NPAS3: variants seen among roughly 807,000 people sequenced by gnomAD.
The protein encoded by NPAS3 is neuronal PAS domain protein 3.
A neutral mutation model predicts 73.1 loss-of-function variants in NPAS3; 14 were observed. The observed-to-expected ratio is 0.19, with a 90% CI of 0.13 to 0.30. The LOEUF is 0.30. Ranked by LOEUF, NPAS3 falls within the 10% of genes least tolerant of loss-of-function variation. NPAS3 has a pLI of 1.00. For synonymous variants in NPAS3, 620 were observed against 541.5 expected (o/e 1.14, Z -2.01); for missense variants, 1,096 against 1,250.0 (o/e 0.88, Z 1.86).
intron 6 of NPAS3, among the ~76,000 whole-genome samples, chr14:33,731,107 A>G (rs542589673): frequency 9.2e-5 from 14 of 152,098 alleles, no homozygotes; most frequent in Non-Finnish European, 1.6e-4. Context: ...CTTTAATTAC[A>G]GTGAAAACAC....
At chr14:33,535,189 T>C (rs980693) in intron 4 of NPAS3, among the ~76,000 whole-genome samples, 21,956 of 152,098 alleles carry the variant, frequency 0.14, 1,820 homozygotes, top group African/African-American at 0.22. Flanking sequence ...AAAATATCAC[T>C]TACACCTTTA....
chr14:33,684,480 T>TAGAG (rs773521022), intron 6 of NPAS3, among the ~76,000 whole-genome samples: 1 of 151,964 alleles, frequency 6.6e-6, no homozygotes, highest in Non-Finnish European at 1.5e-5. Context: ...CCTAGATAAT[T>TAGAG]AGAGATGGGG....
At chr14:33,548,484 C>T (rs112642247) in intron 4 of NPAS3, among the ~76,000 whole-genome samples, 24 of 152,290 alleles carry the variant, frequency 1.6e-4, no homozygotes, top group African/African-American at 5.3e-4. Context: ...GAATTACTTT[C>T]GATGAGCACA....
At chr14:33,401,832 T>C (rs978105458) in intron 4 of NPAS3, among the ~76,000 whole-genome samples, 3 of 152,018 alleles carry the variant, frequency 2.0e-5, no homozygotes, top group Non-Finnish European at 2.9e-5. Context: ...AAGGCCTCCA[T>C]TGCTGGAGGC....
chr14:33,352,806 T>C (rs1048028546), intron 3 of NPAS3, among the ~76,000 whole-genome samples: 2 of 152,280 alleles, frequency 1.3e-5, no homozygotes, highest in Admixed American at 1.3e-4. Context: ...GGGAATAAAC[T>C]TGCAACAATA....
intron 5 of NPAS3, among the ~76,000 whole-genome samples, chr14:33,613,153 G>A (rs2140058180): frequency 6.6e-6 from 1 of 152,280 alleles, no homozygotes; most frequent in East Asian, 1.9e-4. Flanking sequence ...GAGAGATTGA[G>A]TAGCCCAAAT....
chr14:33,761,644 T>A (rs1389545562), intron 7 of NPAS3, among the ~76,000 whole-genome samples: 11 of 152,132 alleles, frequency 7.2e-5, no homozygotes, highest in Admixed American at 7.2e-4. Flanking sequence ...CAGGGATAAA[T>A]TTGAAATGTG....
At chr14:32,979,399 C>T (rs1409336663) in intron 1 of NPAS3, among the ~76,000 whole-genome samples, 1 of 152,144 alleles carries the variant, frequency 6.6e-6, no homozygotes, top group African/African-American at 2.4e-5. Context: ...GAATTAGACA[C>T]ACTATCTCAT....
At chr14:33,232,695 T>C (rs1187343285) in intron 3 of NPAS3, among the ~76,000 whole-genome samples, 3 of 152,280 alleles carry the variant, frequency 2.0e-5, no homozygotes, top group African/African-American at 7.2e-5. Flanking sequence ...ACTATTCTTT[T>C]CCCCTTCTCT....
intron 2 of NPAS3, among the ~76,000 whole-genome samples, chr14:33,096,280 A>T (rs1020551570): frequency 6.6e-6 from 1 of 152,038 alleles, no homozygotes; most frequent in African/African-American, 2.4e-5. Flanking sequence ...AACTGTGTAA[A>T]AAGTTGAATA....
chr14:33,348,581 T>C (rs2044863986), intron 3 of NPAS3, among the ~76,000 whole-genome samples: 1 of 152,210 alleles, frequency 6.6e-6, no homozygotes, highest in African/African-American at 2.4e-5. Context: ...AGATTGTTTA[T>C]TTTTTGAAAA....
intron 1 of NPAS3, among the ~76,000 whole-genome samples, chr14:32,989,287 T>A (rs8009818): frequency 0.098 from 14,928 of 152,190 alleles, 1,282 homozygotes; most frequent in African/African-American, 0.23. Flanking sequence ...TACAGGCTGT[T>A]GTGACTGGAC....
chr14:33,512,114 A>G (rs2053084129), intron 4 of NPAS3, among the ~76,000 whole-genome samples: 1 of 152,108 alleles, frequency 6.6e-6, no homozygotes, highest in African/African-American at 2.4e-5. Flanking sequence ...ATAGATGAAC[A>G]GCACAAGCTT....
In NPAS3 at chr14:33,253,237, A is replaced by G. The variant is rs2048655023; in HGVS notation, c.385+37811A>G. 2.0e-5 allele frequency among the ~76,000 whole-genome samples: 3 copies of G among 152,112 alleles called. No individual in the cohort carries two copies. The South Asian group carries it at 6.2e-4, about 32-fold the overall frequency. On this transcript the variant is annotated intron_variant, in intron 3 of 11. Coordinates refer to ENST00000356141, the Ensembl canonical transcript of NPAS3. The stretch of plus-strand genomic sequence containing the variant: ...GAGGCTGAACTAATTTACATTCTCA[A>G]CAGTGTATAAATGTTCCCTTTTCTC...
intron 2 of NPAS3, among the ~76,000 whole-genome samples, chr14:33,162,706 C>A (rs990404055): frequency 1.3e-5 from 2 of 152,092 alleles, no homozygotes; most frequent in African/African-American, 4.8e-5. Context: ...AGCGTCTACA[C>A]TGCAACTGAC....
At chr14:33,282,478 C>T (rs569355446) in intron 3 of NPAS3, among the ~76,000 whole-genome samples, 2 of 152,170 alleles carry the variant, frequency 1.3e-5, no homozygotes, top group Non-Finnish European at 2.9e-5. Context: ...CAGCTGATTG[C>T]AGCCCTTCTG....
Position 33,421,135 on chromosome 14 carries a change from C to T in NPAS3, c.468+53867C>T, listed in dbSNP as rs887735996. Among the ~76,000 whole-genome samples, 5 of 151,744 alleles carry T rather than the reference C, an allele frequency of 3.3e-5. No individual in the cohort carries two copies. The South Asian group carries it at 6.2e-4, about 19-fold the overall frequency. On this transcript the variant is annotated intron_variant, in intron 4 of 11. Coordinates refer to ENST00000356141, the Ensembl canonical transcript of NPAS3. ...AACTATACCTGAAGCCTCAAGGAGACGCTGGATTTGTATGTGTATATAATC... is the reference window on the plus strand; with the variant it reads ...AACTATACCTGAAGCCTCAAGGAGATGCTGGATTTGTATGTGTATATAATC...
At chr14:33,091,213 A>C (rs8007806) in intron 2 of NPAS3, among the ~76,000 whole-genome samples, 66,325 of 151,950 alleles carry the variant, frequency 0.44, 16,048 homozygotes, top group African/African-American at 0.66. Flanking sequence ...TGGTTTTTTG[A>C]AAAGATCAAC....
At chr14:33,722,624 T>TCTG (rs1189914820) in intron 6 of NPAS3, among the ~76,000 whole-genome samples, 1 of 152,152 alleles carries the variant, frequency 6.6e-6, no homozygotes, top group Non-Finnish European at 1.5e-5. Context: ...GATGGAGCAG[T>TCTG]GGTCATTGAA....
Sources: allele counts gnomAD v4.1 joint callset (sites outside exome capture counted in the v4.1 genomes callset), GRCh38; gene constraint gnomAD v4.1.1; transcripts MANE v1.5; gene names NCBI Gene and HGNC (gene_info 2026-07-23, HGNC 2026-07-21).